The following SLIT3 variants were observed in gnomAD, a reference collection of about 807,000 sequenced individuals.
SLIT3 encodes the protein slit guidance ligand 3.
Under a neutral mutation model 184.0 loss-of-function variants are expected in SLIT3, and 68 were observed. The ratio of observed to expected loss-of-function variants is 0.37; its 90% CI spans 0.30 to 0.45. SLIT3 has a LOEUF of 0.45. Among genes scored for constraint, SLIT3 ranks in the 20% least tolerant of loss-of-function variants. SLIT3 has a pLI of 1.00. For missense variants in SLIT3, 1,707 were observed against 2,026.0 expected (o/e 0.84, Z 3.02); for synonymous variants, 831 against 828.6 (o/e 1.00, Z -0.05).
At chr5:169,016,876 T>C (rs960627986) in intron 4 of SLIT3, among the ~76,000 whole-genome samples, 8 of 152,192 alleles carry the variant, frequency 5.3e-5, no homozygotes, top group Non-Finnish European at 1.2e-4. Context: ...GGAGTTTGTA[T>C]CATTTTTACA....
chr5:168,754,429 T>TA (rs1001535555), intron 16 of SLIT3, among the ~76,000 whole-genome samples: 3 of 152,166 alleles, frequency 2.0e-5, no homozygotes, highest in Non-Finnish European at 4.4e-5. Context: ...ATGTGGGAGC[T>TA]AAAAAAGTTG....
intron 1 of SLIT3, among the ~76,000 whole-genome samples, chr5:169,272,248 A>C (rs2113633686): frequency 6.6e-6 from 1 of 152,336 alleles, no homozygotes; most frequent in African/African-American, 2.4e-5. Flanking sequence ...CCTGACCCAC[A>C]ATCCCAGGTT....
chr5:169,067,799 C>T (rs370461414), intron 4 of SLIT3, among the ~76,000 whole-genome samples: 5 of 152,312 alleles, frequency 3.3e-5, no homozygotes, highest in African/African-American at 1.2e-4. Flanking sequence ...CCTATGTCTG[C>T]AGGCTTCCCA....
At chr5:169,102,325 A>G (rs1056601996) in intron 4 of SLIT3, among the ~76,000 whole-genome samples, 30 of 152,296 alleles carry the variant, frequency 2.0e-4, no homozygotes, top group African/African-American at 7.0e-4. Context: ...TGGATTATAT[A>G]TATCCATATT....
At chr5:168,853,869 A>G (rs746393569) in intron 5 of SLIT3, among the ~76,000 whole-genome samples, 4 of 152,140 alleles carry the variant, frequency 2.6e-5, no homozygotes, top group Admixed American at 6.5e-5. Flanking sequence ...CCTGTTTGTG[A>G]AATCCCTCCT....
intron 4 of SLIT3, among the ~76,000 whole-genome samples, chr5:169,164,733 G>A (rs948989625): frequency 3.3e-5 from 5 of 152,212 alleles, no homozygotes; most frequent in African/African-American, 1.2e-4. Flanking sequence ...ATTCCTACAA[G>A]CAGGATTAAC....
rs529748025 is a variant in SLIT3, at chr5:169,135,261, G to A, written c.413+58218C>T. The stretch of plus-strand genomic sequence containing the variant: ...CAATGGGATGGGATTACAGGTGCCC[G>A]CCACCATGCCTGGCTAATTTTTGTA... On this transcript the variant is annotated intron_variant, in intron 4 of 35. Coordinates refer to ENST00000519560, the MANE Select transcript of SLIT3 (RefSeq NM_003062.4). Among the ~76,000 whole-genome samples, 26 of 152,150 alleles carry A rather than the reference G, an allele frequency of 1.7e-4. No individual in the cohort carries two copies. In the Middle Eastern group the frequency reaches 0.014, roughly 80 times the overall value.
intron 8 of SLIT3, among the ~76,000 whole-genome samples, chr5:168,815,089 T>C (rs1482426770): frequency 6.6e-6 from 1 of 152,222 alleles, no homozygotes; most frequent in African/African-American, 2.4e-5. Context: ...TAAATTCTCA[T>C]GTTCTCAAAA....
At chr5:168,672,849 A>C (rs1372589095) in intron 33 of SLIT3, among the ~76,000 whole-genome samples, 4 of 152,104 alleles carry the variant, frequency 2.6e-5, no homozygotes, top group African/African-American at 9.7e-5. Context: ...GGGTTTGAGG[A>C]GGTGGCAGAG....
At chr5:169,195,958 G>A (rs1484649806) in intron 3 of SLIT3, among the ~76,000 whole-genome samples, 1 of 152,176 alleles carries the variant, frequency 6.6e-6, no homozygotes, top group Non-Finnish European at 1.5e-5. Context: ...GTAGCGTTGA[G>A]TATATTCACA....
intron 4 of SLIT3, among the ~76,000 whole-genome samples, chr5:169,082,293 G>A (rs965758962): frequency 5.9e-5 from 9 of 152,274 alleles, no homozygotes; most frequent in Admixed American, 3.9e-4. Context: ...GAAGACACAC[G>A]GCTCATATAT....
intron 4 of SLIT3, among the ~76,000 whole-genome samples, chr5:168,945,837 G>A (rs993467626): frequency 6.6e-6 from 1 of 152,198 alleles, no homozygotes; most frequent in Admixed American, 6.5e-5. Flanking sequence ...AAAGAGGGCA[G>A]TGGTTCCACT....
At chr5:168,856,126 A>G (rs79776622) in intron 5 of SLIT3, among the ~76,000 whole-genome samples, 2,925 of 152,282 alleles carry the variant, frequency 0.019, 96 homozygotes, top group African/African-American at 0.066. Context: ...AAAAAAAACA[A>G]AAAGAAATAG....
At chr5:169,121,090 C>G (rs1760855874) in intron 4 of SLIT3, among the ~76,000 whole-genome samples, 1 of 152,092 alleles carries the variant, frequency 6.6e-6, no homozygotes, top group Admixed American at 6.5e-5. Flanking sequence ...ATGGTAGGGC[C>G]AGGATTATAA....
At chr5:168,706,165 C>G (rs1744693618) in intron 26 of SLIT3, among the ~76,000 whole-genome samples, 1 of 152,230 alleles carries the variant, frequency 6.6e-6, no homozygotes. Context: ...TGAGGGACCA[C>G]CATGCAAGGG....
intron 14 of SLIT3, among the ~76,000 whole-genome samples, chr5:168,769,145 CCTTAG>C (rs1755454218): frequency 2.6e-5 from 4 of 152,140 alleles, no homozygotes; most frequent in African/African-American, 9.7e-5. Flanking sequence ...TTGTTCTCTT[CCTTAG>C]CTGGAAATTA....
At chr5:168,907,894 T>C (rs1242501671) in intron 4 of SLIT3, among the ~76,000 whole-genome samples, 1 of 99,670 alleles carries the variant, frequency 1.0e-5, no homozygotes, top group Non-Finnish European at 2.2e-5. Context: ...ATGATATATA[T>C]CATATATATA....
At chr5:168,697,980 G>A (rs943094543) in intron 27 of SLIT3, among the ~76,000 whole-genome samples, 1 of 152,218 alleles carries the variant, frequency 6.6e-6, no homozygotes, top group African/African-American at 2.4e-5. Flanking sequence ...CAGGGTGGAA[G>A]GAGGCTGATG....
intron 4 of SLIT3, among the ~76,000 whole-genome samples, chr5:169,159,350 C>A (rs557408988): frequency 6.6e-6 from 1 of 152,022 alleles, no homozygotes; most frequent in Non-Finnish European, 1.5e-5. Flanking sequence ...GGCTTGAACC[C>A]GGGAGGTAGA....
Sources: gnomAD v4.1 joint callset for allele counts (sites outside exome capture counted in the v4.1 genomes callset) on GRCh38, gnomAD v4.1.1 for gene constraint, MANE v1.5 for transcripts, NCBI Gene and HGNC (gene_info 2026-07-23, HGNC 2026-07-21) for gene names.